The following CTNNA3 variants were observed in gnomAD, a reference collection of about 807,000 sequenced individuals.
The protein encoded by CTNNA3 is catenin alpha 3.
A neutral mutation model predicts 95.7 loss-of-function variants in CTNNA3; 76 were observed. That is an observed-to-expected ratio of 0.79 (90% confidence interval 0.66 to 0.96). CTNNA3 has a LOEUF of 0.96. Ranked by LOEUF, CTNNA3 falls within the 40% of genes least tolerant of loss-of-function variation. CTNNA3 has a pLI of 0.00. For synonymous variants in CTNNA3, 431 were observed against 374.4 expected (o/e 1.15, Z -1.74); for missense variants, 1,191 against 1,089.8 (o/e 1.09, Z -1.31).
At chr10:66,070,316 C>T (rs2080408832) in intron 14 of CTNNA3, among the ~76,000 whole-genome samples, 1 of 152,122 alleles carries the variant, frequency 6.6e-6, no homozygotes. Context: ...CTCACTACTT[C>T]TGAAATGAAA....
Position 66,937,504 on chromosome 10 carries a change from ATT to A in CTNNA3, c.1048-161982_1048-161981del, listed in dbSNP as rs1419042010. On this transcript the variant is annotated intron_variant, in intron 7 of 17. Coordinates refer to ENST00000433211, the MANE Select transcript of CTNNA3 (RefSeq NM_013266.4). Reference sequence around the variant, plus strand: ...TACCACAATGCGCTTTGAAAGTCATATTACACTACCTATTTTTATTTTGAATA... The same window carrying A: ...TACCACAATGCGCTTTGAAAGTCATAACACTACCTATTTTTATTTTGAATA... Among the ~76,000 whole-genome samples the A allele has an allele frequency of 2.0e-5, 3 of 152,256 alleles. No individual in the cohort carries two copies. The South Asian group carries it at 6.2e-4, about 32-fold the overall frequency.
intron 7 of CTNNA3, among the ~76,000 whole-genome samples, chr10:66,882,226 C>T (rs145859207): frequency 6.6e-6 from 1 of 152,010 alleles, no homozygotes; most frequent in Non-Finnish European, 1.5e-5. Context: ...TACACTAATC[C>T]TGATCAGGCA....
intron 7 of CTNNA3, among the ~76,000 whole-genome samples, chr10:67,101,173 T>C (rs908603297): frequency 5.3e-5 from 8 of 151,750 alleles, no homozygotes; most frequent in East Asian, 1.9e-4. Context: ...TGTGGATGCA[T>C]GTAGGCCCCG....
At chr10:66,937,773 T>C (rs996895685) in intron 7 of CTNNA3, among the ~76,000 whole-genome samples, 31 of 152,124 alleles carry the variant, frequency 2.0e-4, no homozygotes, top group African/African-American at 7.0e-4. Flanking sequence ...CAATTTCCTT[T>C]GTGAGAAATG....
At chr10:67,124,907 A>C (rs1859643320) in intron 7 of CTNNA3, among the ~76,000 whole-genome samples, 1 of 152,178 alleles carries the variant, frequency 6.6e-6, no homozygotes, top group South Asian at 2.1e-4. Context: ...TTCATGGCTA[A>C]AGGGGCAGTA....
chr10:67,273,754 T>C (rs1839073889), intron 5 of CTNNA3, among the ~76,000 whole-genome samples: 1 of 152,148 alleles, frequency 6.6e-6, no homozygotes, highest in Admixed American at 6.6e-5. Flanking sequence ...TACTGGTATA[T>C]ATAATGACAT....
chr10:66,245,602 G>C (rs61868388), intron 13 of CTNNA3, among the ~76,000 whole-genome samples: 32,578 of 152,130 alleles, frequency 0.21, 3,683 homozygotes, highest in South Asian at 0.29. Context: ...CTTTCTGCAG[G>C]CAGGGTATCC....
At chr10:67,595,098 T>A (rs1842899474) in intron 3 of CTNNA3, among the ~76,000 whole-genome samples, 1 of 152,222 alleles carries the variant, frequency 6.6e-6, no homozygotes, top group Non-Finnish European at 1.5e-5. Flanking sequence ...TTATCATGCA[T>A]ATACACACCA....
At chr10:67,193,143 G>A (rs1366565801) in intron 6 of CTNNA3, among the ~76,000 whole-genome samples, 1 of 151,872 alleles carries the variant, frequency 6.6e-6, no homozygotes, top group Non-Finnish European at 1.5e-5. Context: ...GACCAGTGGG[G>A]GCAAACTTTC....
chr10:67,460,399 G>A lies in CTNNA3; in HGVS notation c.579+61443C>T, dbSNP rs138005255. 1.7e-3 allele frequency among the ~76,000 whole-genome samples: 265 copies of A among 152,230 alleles called. 3 individuals are homozygous for A. Among genetic ancestry groups the A allele is most frequent in the African/African-American group, 5.5e-3 (230 of 41,552 alleles). The stretch of plus-strand genomic sequence containing the variant: ...GTTTAAATTTGCCAAAGTCTGGCTC[G>A]TTTGGTTTAAGAGAATTTTTTAAAA... On this transcript the variant is annotated intron_variant, in intron 5 of 17. Coordinates refer to ENST00000433211, the MANE Select transcript of CTNNA3 (RefSeq NM_013266.4).
At chr10:66,371,637 G>T (rs548085092) in intron 12 of CTNNA3, among the ~76,000 whole-genome samples, 4 of 152,176 alleles carry the variant, frequency 2.6e-5, no homozygotes, top group Admixed American at 2.6e-4. Context: ...GGGTCCTTTT[G>T]CTTCCTCGTT....
At chr10:66,811,941 T>G (rs1046003311) in intron 7 of CTNNA3, among the ~76,000 whole-genome samples, 7 of 152,192 alleles carry the variant, frequency 4.6e-5, no homozygotes, top group Admixed American at 2.6e-4. Context: ...ACTATCGGTT[T>G]CATTCATGAG....
chr10:66,655,713 G>C (rs1846051720), intron 9 of CTNNA3, among the ~76,000 whole-genome samples: 1 of 152,000 alleles, frequency 6.6e-6, no homozygotes, highest in Non-Finnish European at 1.5e-5. Context: ...GGTTTGAGAG[G>C]GTGAAGCGGG....
rs539103458 is a variant in CTNNA3, at chr10:66,099,856, CT to C, written c.1977+3300del. Among the ~76,000 whole-genome samples, 12 of 152,124 alleles carry C rather than the reference CT, an allele frequency of 7.9e-5. No individual in the cohort carries two copies. The East Asian group carries it at 2.3e-3, about 29-fold the overall frequency. ...TTTTTTAGTAAAGGACTTATCATAA[CT>C]TTATTTCCTAAGTAAACTGACATGT... On this transcript the variant is annotated intron_variant, in intron 14 of 17. Coordinates refer to ENST00000433211, the MANE Select transcript of CTNNA3 (RefSeq NM_013266.4).
intron 13 of CTNNA3, among the ~76,000 whole-genome samples, chr10:66,244,598 T>A (rs1328660912): frequency 2.7e-5 from 4 of 149,480 alleles, no homozygotes; most frequent in African/African-American, 9.8e-5. Context: ...ACAATCTGCC[T>A]GGTAATTCGG....
At chr10:66,871,919 C>T (rs1844425037) in intron 7 of CTNNA3, among the ~76,000 whole-genome samples, 1 of 152,156 alleles carries the variant, frequency 6.6e-6, no homozygotes, top group Admixed American at 6.5e-5. Flanking sequence ...CTTTACTGGA[C>T]AAAAATATTC....
intron 10 of CTNNA3, among the ~76,000 whole-genome samples, chr10:66,554,431 AT>A (rs375686588): frequency 0.026 from 3,201 of 122,444 alleles, 51 homozygotes; most frequent in East Asian, 0.21. Flanking sequence ...TTTAAAAAAA[AT>A]AATTCTTTTT....
At chr10:66,617,696 G>A (rs1293244166) in intron 10 of CTNNA3, among the ~76,000 whole-genome samples, 4 of 152,226 alleles carry the variant, frequency 2.6e-5, no homozygotes, top group Admixed American at 6.5e-5. Flanking sequence ...ACATAGTGTT[G>A]GAAGTTCTGG....
chr10:67,527,211 C>T (rs560041995), intron 4 of CTNNA3, among the ~76,000 whole-genome samples: 2 of 151,910 alleles, frequency 1.3e-5, no homozygotes, highest in Non-Finnish European at 2.9e-5. Flanking sequence ...GAGCCGAGAT[C>T]GCACCACTGC....
Sources: allele counts gnomAD v4.1 joint callset (sites outside exome capture counted in the v4.1 genomes callset), GRCh38; gene constraint gnomAD v4.1.1; transcripts MANE v1.5; gene names NCBI Gene and HGNC (gene_info 2026-07-23, HGNC 2026-07-21).